The following PCDHGB5 variants were observed in gnomAD, a reference collection of about 807,000 sequenced individuals.
The protein encoded by PCDHGB5 is protocadherin gamma-B5.
Under a neutral mutation model 62.9 loss-of-function variants are expected in PCDHGB5, and 48 were observed. The ratio of observed to expected loss-of-function variants is 0.76; its 90% CI spans 0.61 to 0.97. The LOEUF (loss-of-function observed/expected upper bound fraction) is 0.97. Among genes scored for constraint, PCDHGB5 ranks in the 50% least tolerant of loss-of-function variants. PCDHGB5 has a pLI of 0.00. For synonymous variants in PCDHGB5, 474 were observed against 511.2 expected (o/e 0.93, Z 0.98); for missense variants, 1,118 against 1,198.6 (o/e 0.93, Z 0.99).
Position 141,510,957 on chromosome 5 carries a change from T to C in PCDHGB5, c.2556T>C (p.Asp852=), listed in dbSNP as rs372617587. ...MILASASEAA[D]GSSTLGGGAG... ...CCTCTGTCTCTGCAGAAGCTGCTGA[T>C]GGGAGCTCCACCCTGGGAGGGGGTG... Residue 852 remains aspartate, a synonymous_variant, in exon 4 of 4, where the codon GAT becomes GAC. Transcript: ENST00000617380. 2.5e-6 allele frequency: 4 copies of C among 1,614,134 alleles called. No individual in the cohort carries two copies. The highest frequency in any genetic ancestry group is 3.4e-6 in the Non-Finnish European group (4 of 1,180,004).
chr5:141,481,288 A>AGTC (rs2099535099), intron 1 of PCDHGB5, among the ~76,000 whole-genome samples: 1 of 152,188 alleles, frequency 6.6e-6, no homozygotes, highest in Admixed American at 6.5e-5. Flanking sequence ...ATGGTATTTC[A>AGTC]GTCATCTAAG....
chr5:141,441,740 G>T (rs1241907865), intron 1 of PCDHGB5: 2 of 364,772 alleles, frequency 5.5e-6, no homozygotes, highest in Non-Finnish European at 1.1e-5. Context: ...ACTAGCTCGC[G>T]CTCGGCGTCA....
chr5:141,415,368 T>C (rs762653261), intron 1 of PCDHGB5: 1 of 1,614,244 alleles, frequency 6.2e-7, no homozygotes, highest in Non-Finnish European at 8.5e-7. Context: ...TGCTGCAGGC[T>C]TCAGGAGGCG....
intron 1 of PCDHGB5, chr5:141,418,522 C>A: frequency 6.2e-7 from 1 of 1,614,000 alleles, no homozygotes; most frequent in Non-Finnish European, 8.5e-7. Flanking sequence ...GGGACCCTCC[C>A]CGAAGCGGTA....
At chr5:141,410,100 G>A in intron 1 of PCDHGB5, 1 of 1,612,736 alleles carries the variant, frequency 6.2e-7, no homozygotes, top group Non-Finnish European at 8.5e-7. Context: ...CGAGCCTTAG[G>A]CGACAGGGAC....
Position 141,476,387 on chromosome 5 carries a change from C to G in PCDHGB5, c.2398-18420C>G, listed in dbSNP as rs147660262. Reference sequence around the variant, plus strand: ...GACCGGAGAGATGTTTGTGAACGACCGTCTGGATCGAGAGGAGCTGTGTGG... The same window carrying G: ...GACCGGAGAGATGTTTGTGAACGACGGTCTGGATCGAGAGGAGCTGTGTGG... On this transcript the variant is annotated intron_variant, in intron 1 of 3. Coordinates refer to ENST00000617380, the MANE Select transcript of PCDHGB5 (RefSeq NM_018925.3). The surrounding 1 kb of genome is among the most constrained non-coding windows in gnomAD (Gnocchi z 7.6). 3.6e-4 allele frequency: 587 copies of G among 1,614,076 alleles called. No individual in the cohort carries two copies. The highest frequency in any genetic ancestry group is 4.7e-4 in the Non-Finnish European group (549 of 1,180,024).
Position 141,431,530 on chromosome 5 carries a change from G to A in PCDHGB5, c.2397+31006G>A. On this transcript the variant is annotated intron_variant, in intron 1 of 3. Transcript: ENST00000617380. The surrounding 1 kb of genome is among the most constrained non-coding windows in gnomAD (Gnocchi z 4.8). ...CGAGCGTTCCGGAGAATCTGGCCTT[G>A]GGCACGCAGCTGCTTGTAGTCAACG... 3 of 1,614,072 alleles carry A rather than the reference G, an allele frequency of 1.9e-6. No homozygotes were observed. In the South Asian group the frequency reaches 3.3e-5, roughly 18 times the overall value.
At chr5:141,460,912 GTA>G (rs34683754) in intron 1 of PCDHGB5, among the ~76,000 whole-genome samples, 12 of 149,310 alleles carry the variant, frequency 8.0e-5, no homozygotes, top group African/African-American at 7.4e-5. Flanking sequence ...ATTCCATGGT[GTA>G]TATATATATA....
At position 141,485,122 on chromosome 5, in the gene PCDHGB5, G is replaced by A. The variant is rs1000179570; in HGVS notation, c.2398-9685G>A. The A allele has an allele frequency of 1.4e-6, 2 of 1,387,624 alleles. No individual in the cohort carries two copies. The highest frequency in any genetic ancestry group is 1.4e-5 in the African/African-American group (1 of 70,566). 86.0% of individuals were successfully genotyped at this position (1,387,624 alleles called of 1,614,324 possible). A position where few individuals can be genotyped will look rare whatever the true frequency, so the allele number is the denominator to read the frequency against. Reference sequence around the variant, plus strand: ...CAGCTGCTGTGGCTGTTTGGGGCGGGTCGGCTTCATCCGCGTCTCAGGAGC... The same window carrying A: ...CAGCTGCTGTGGCTGTTTGGGGCGGATCGGCTTCATCCGCGTCTCAGGAGC... On this transcript the variant is annotated intron_variant, in intron 1 of 3. Coordinates refer to ENST00000617380, the MANE Select transcript of PCDHGB5 (RefSeq NM_018925.3). The surrounding 1 kb of genome is among the most constrained non-coding windows in gnomAD (Gnocchi z 5.7).
chr5:141,404,244 C>A (rs1164182551), intron 1 of PCDHGB5: 2 of 1,613,758 alleles, frequency 1.2e-6, no homozygotes, highest in East Asian at 2.2e-5. Context: ...GGAACTCCGC[C>A]CCTGTCCACA....
Position 141,491,262 on chromosome 5 carries a change from G to A in PCDHGB5, c.2398-3545G>A. ...TGGAGGATGAGGACCCTGAGGAAATGCCCAAATCCAGTGACTTCCTCATAC... is the reference window on the plus strand; with the variant it reads ...TGGAGGATGAGGACCCTGAGGAAATACCCAAATCCAGTGACTTCCTCATAC... On this transcript the variant is annotated intron_variant, in intron 1 of 3. Transcript: ENST00000617380. The surrounding 1 kb of genome is among the most constrained non-coding windows in gnomAD (Gnocchi z 6.9). 2 of 1,614,122 alleles carry A rather than the reference G, an allele frequency of 1.2e-6. No individual in the cohort carries two copies. Among genetic ancestry groups the A allele is most frequent in the Non-Finnish European group, 1.7e-6 (2 of 1,179,952 alleles).
intron 1 of PCDHGB5, chr5:141,427,050 G>A (rs974721070): frequency 4.4e-6 from 2 of 457,372 alleles, no homozygotes; most frequent in Non-Finnish European, 4.4e-6. Flanking sequence ...TGTGCCCCCA[G>A]GCACCTCTGT....
At chr5:141,419,644 C>T (rs867285747) in intron 1 of PCDHGB5, 1 of 1,612,514 alleles carries the variant, frequency 6.2e-7, no homozygotes, top group Middle Eastern at 1.7e-4. Context: ...TGGCCGTGGA[C>T]GCGGACTCGG....
intron 1 of PCDHGB5, chr5:141,478,700 C>A: frequency 1.3e-6 from 2 of 1,549,172 alleles, no homozygotes; most frequent in Non-Finnish European, 1.7e-6. Flanking sequence ...AAAGTTAGTG[C>A]CTTTGTGAGA....
At position 141,511,148 on chromosome 5, in the gene PCDHGB5, A is replaced by C; in HGVS notation, c.2747A>C (p.Lys916Thr). Residue 916 changes from lysine to threonine, a missense_variant, in exon 4 of 4, where the codon AAG (lysine) becomes ACG (threonine). Coordinates refer to ENST00000617380, the MANE Select transcript of PCDHGB5 (RefSeq NM_018925.3). ...APAGGNGNKKKSGKKEKK is the reference protein window; with the variant it reads ...APAGGNGNKKTSGKKEKK ...GCAGGTGGCAATGGCAACAAGAAGA[A>C]GTCGGGCAAGAAGGAGAAGAAGTAA... is the stretch of plus-strand genomic sequence containing the variant. The C allele has an allele frequency of 6.2e-7, 1 of 1,614,202 alleles. No individual in the cohort carries two copies. Among genetic ancestry groups the C allele is most frequent in the East Asian group, 2.2e-5 (1 of 44,882 alleles).
intron 3 of PCDHGB5, among the ~76,000 whole-genome samples, chr5:141,510,266 C>T (rs1202092142): frequency 7.0e-6 from 1 of 143,198 alleles, no homozygotes; most frequent in Non-Finnish European, 1.5e-5. Flanking sequence ...GAGCAGGACT[C>T]CATCTTAAAA....
At position 141,399,450 on chromosome 5, in the gene PCDHGB5, C is replaced by T; in HGVS notation, c.1323C>T (p.Val441=). 1.9e-6 allele frequency: 3 copies of T among 1,614,018 alleles called. No individual in the cohort carries two copies. Among genetic ancestry groups the T allele is most frequent in the Non-Finnish European group, 1.7e-6 (2 of 1,179,894 alleles). ...SISVILHIRD[V]NDNAPVFHQA... is the part of the protein sequence containing the mutation. ...GCGTCATCCTACATATCAGAGACGT[C>T]AACGATAACGCTCCGGTTTTCCACC... Residue 441 remains valine, a synonymous_variant, in exon 1 of 4, where the codon GTC becomes GTT. Coordinates refer to ENST00000617380, the MANE Select transcript of PCDHGB5 (RefSeq NM_018925.3).
chr5:141,422,275 A>G (rs367711513), intron 1 of PCDHGB5: 6 of 1,560,374 alleles, frequency 3.8e-6, no homozygotes, highest in East Asian at 2.2e-5. Flanking sequence ...AGAAATAACT[A>G]TCACCTCTTC....
Position 141,404,599 on chromosome 5 carries a change from A to G in PCDHGB5, c.2397+4075A>G. 2.5e-6 allele frequency: 4 copies of G among 1,613,988 alleles called. 1 individual carries two copies. In the East Asian group the frequency reaches 8.9e-5, roughly 36 times the overall value. ...CACTTAGCAGCAATGTGTCATTGAG[A>G]CTGTTTGTTTTGGACCAGAATGACA... is the stretch of plus-strand genomic sequence containing the variant. On this transcript the variant is annotated intron_variant, in intron 1 of 3. Coordinates refer to ENST00000617380, the MANE Select transcript of PCDHGB5 (RefSeq NM_018925.3).
Sources: allele counts gnomAD v4.1 joint callset (sites outside exome capture counted in the v4.1 genomes callset), GRCh38; gene constraint gnomAD v4.1.1; non-coding constraint Gnocchi (gnomAD v3.1); transcripts MANE v1.5; gene names NCBI Gene and HGNC (gene_info 2026-07-23, HGNC 2026-07-21).